NUP205: variants seen among roughly 807,000 people sequenced by gnomAD.
NUP205 encodes nucleoporin 205, also known as nuclear pore complex protein Nup205.
A neutral mutation model predicts 253.8 loss-of-function variants in NUP205; 76 were observed. That is an observed-to-expected ratio of 0.30 (90% CI 0.25 to 0.36). The LOEUF (loss-of-function observed/expected upper bound fraction) is 0.36, where lower values mean the gene tolerates loss of function less well. Among genes scored for constraint, NUP205 ranks in the 10% least tolerant of loss-of-function variants. The pLI, the probability that NUP205 is intolerant of heterozygous loss-of-function variation, is 1.00. For missense variants in NUP205, 2,162 were observed against 2,425.5 expected, an observed-to-expected ratio of 0.89 and a Z score of 2.28; for synonymous variants, 832 against 850.1, an observed-to-expected ratio of 0.98 and a Z score of 0.37.
In NUP205 at chr7:135,626,578, GC is replaced by G. The variant is rs148699396; in HGVS notation, c.4793+220del. ...GAGAGAATTTAGTAAATGTGTACTT[GC>G]CCAATGTTATTATTATGTTCAATTG... On this transcript the variant is annotated intron_variant, in intron 33 of 42. Coordinates refer to ENST00000285968, the MANE Select transcript of NUP205 (RefSeq NM_015135.3). Among the ~76,000 whole-genome samples, 25,693 of 152,016 alleles carry G rather than the reference GC, an allele frequency of 0.17. 2,221 individuals are homozygous for G. The highest frequency in any genetic ancestry group is 0.24 in the Middle Eastern group (70 of 292).
At chr7:135,623,295 A>G (rs1794515855) in intron 31 of NUP205, among the ~76,000 whole-genome samples, 1 of 152,214 alleles carries the variant, frequency 6.6e-6, no homozygotes, top group Non-Finnish European at 1.5e-5. Context: ...AAAATAAAAT[A>G]AAATAAATTG....
At chr7:135,571,746 G>A (rs1806003673) in intron 2 of NUP205, among the ~76,000 whole-genome samples, 1 of 151,818 alleles carries the variant, frequency 6.6e-6, no homozygotes, top group Admixed American at 6.6e-5. Context: ...ATTTTAAAAT[G>A]TATAATTATT....
At chr7:135,629,315 G>A (rs906109280) in intron 34 of NUP205, among the ~76,000 whole-genome samples, 1 of 151,982 alleles carries the variant, frequency 6.6e-6, no homozygotes, top group African/African-American at 2.4e-5. Context: ...TGGGAGGTCA[G>A]GATTTATATC....
At chr7:135,617,555 C>T (rs1347046545) in intron 26 of NUP205, 47 bp from the exon 27 acceptor site, 1 of 1,394,744 alleles carries the variant, frequency 7.2e-7, no homozygotes, top group South Asian at 1.2e-5. Flanking sequence ...TACTGTTCTA[C>T]CAGTGTCTGA....
At chr7:135,637,875 A>G in intron 36 of NUP205, 56 bp from the exon 37 acceptor site, 7 of 1,526,934 alleles carry the variant, frequency 4.6e-6, no homozygotes, top group Non-Finnish European at 5.3e-6. Context: ...CTATCCCTCA[A>G]GAAAGAGAGG....
In NUP205 at chr7:135,643,370, A is replaced by C; in HGVS notation, c.5559+12A>C. ...ATGAGATAAAAGAGGTACGAATCTT[A>C]TAATGAGCTGGGGGGACTTGAGAAA... On this transcript the variant is annotated intron_variant, in intron 39 of 42. Coordinates refer to ENST00000285968, the MANE Select transcript of NUP205 (RefSeq NM_015135.3). 1 of 1,610,756 alleles carries C rather than the reference A, an allele frequency of 6.2e-7. No homozygotes were observed. Among genetic ancestry groups the C allele is most frequent in the Non-Finnish European group, 8.5e-7 (1 of 1,177,726 alleles).
intron 36 of NUP205, 138 bp downstream of exon 36, chr7:135,635,795 T>C (rs1794799160): frequency 2.0e-6 from 1 of 508,488 alleles, no homozygotes; most frequent in Non-Finnish European, 3.6e-6. Flanking sequence ...AATATGCTTA[T>C]ATTGCTGCTT....
At chr7:135,634,746 G>A (rs1015184209) in intron 35 of NUP205, among the ~76,000 whole-genome samples, 1 of 152,126 alleles carries the variant, frequency 6.6e-6, no homozygotes. Context: ...GTGAGGCACG[G>A]ATAGAGGTAT....
chr7:135,634,026 G>T (rs1003606446), intron 35 of NUP205, among the ~76,000 whole-genome samples: 1 of 152,074 alleles, frequency 6.6e-6, no homozygotes, highest in Non-Finnish European at 1.5e-5. Flanking sequence ...GCCCACTACC[G>T]TGTATGTTGT....
At chr7:135,562,151 A>T (rs528438151) in intron 1 of NUP205, among the ~76,000 whole-genome samples, 2 of 151,908 alleles carry the variant, frequency 1.3e-5, no homozygotes, top group Non-Finnish European at 2.9e-5. Context: ...ACAGCTCTCA[A>T]TAGGGTTAAC....
intron 35 of NUP205, among the ~76,000 whole-genome samples, chr7:135,631,931 A>G (rs1794723595): frequency 6.6e-6 from 1 of 151,918 alleles, no homozygotes; most frequent in African/African-American, 2.4e-5. Context: ...TTGTATTTTT[A>G]GTAGAGACGG....
intron 7 of NUP205, among the ~76,000 whole-genome samples, chr7:135,584,008 A>AT (rs1483654387): frequency 2.0e-5 from 3 of 151,636 alleles, no homozygotes; most frequent in African/African-American, 4.8e-5. Flanking sequence ...CACCCGGCTA[A>AT]TTTTTTGTAT....
At chr7:135,595,890 C>T (rs755399641) in intron 13 of NUP205, among the ~76,000 whole-genome samples, 3 of 151,948 alleles carry the variant, frequency 2.0e-5, no homozygotes, top group Non-Finnish European at 4.4e-5. Context: ...AGTAATACAA[C>T]TTAAGGGAGT....
At chr7:135,635,886 T>A (rs1794800676) in intron 36 of NUP205, among the ~76,000 whole-genome samples, 1 of 152,162 alleles carries the variant, frequency 6.6e-6, no homozygotes, top group African/African-American at 2.4e-5. Flanking sequence ...TAGATGTTTT[T>A]ACTCCTTTTC....
Position 135,587,597 on chromosome 7 carries a change from C to T in NUP205, c.1241C>T (p.Ala414Val), listed in dbSNP as rs768065664. ...TAGGTGAAACAGCTGAGGAATCGGGCAGATGAAGATGCTCGAATGATTCAC... is the reference window on the plus strand; with the variant it reads ...TAGGTGAAACAGCTGAGGAATCGGGTAGATGAAGATGCTCGAATGATTCAC... Reference protein sequence around the residue: ...PMKVKQLRNRADEDARMIHMS... With the variant: ...PMKVKQLRNRVDEDARMIHMS... Residue 414 changes from alanine (A) to valine (V), a missense_variant, in exon 9 of 43, where the codon GCA becomes GTA. Ala to Val is a moderately conservative substitution (Grantham distance 64, BLOSUM62 0). Transcript: ENST00000285968. The T allele has an allele frequency of 1.2e-6, 2 of 1,602,420 alleles. No individual in the cohort carries two copies. The highest frequency in any genetic ancestry group is 1.7e-6 in the Non-Finnish European group (2 of 1,174,416).
chr7:135,619,882 G>A lies in NUP205; in HGVS notation c.4324G>A (p.Glu1442Lys). The part of the protein sequence containing the change: ...AQRPDEPDTL[E>K]AAKKTMWERL... ...GAGACCTGATGAACCAGACACCTTA[G>A]AAGCAGGTAGAATGAGATCAATTCC... The change falls in exon 30 of 43, where the codon GAA becomes AAA. Residue 1442 changes from glutamate (E) to lysine (K), a missense_variant. By Grantham distance (56) the Glu-to-Lys change is moderately conservative. Transcript: ENST00000285968. 6.3e-7 allele frequency: 1 copy of A among 1,594,126 alleles called. No individual in the cohort carries two copies. Among genetic ancestry groups the A allele is most frequent in the South Asian group, 1.1e-5 (1 of 89,978 alleles).
intron 22 of NUP205, among the ~76,000 whole-genome samples, chr7:135,611,634 T>G (rs1455240211): frequency 1.3e-5 from 2 of 152,004 alleles, no homozygotes; most frequent in Non-Finnish European, 2.9e-5. Context: ...TAAATTACAT[T>G]CAGGTTGTTT....
chr7:135,564,021 G>A (rs1805670173), intron 1 of NUP205, among the ~76,000 whole-genome samples: 2 of 151,600 alleles, frequency 1.3e-5, no homozygotes, highest in Admixed American at 1.3e-4. Flanking sequence ...TACTGAAATT[G>A]GTCAAACTCA....
At chr7:135,637,164 T>C (rs1178593418) in intron 36 of NUP205, among the ~76,000 whole-genome samples, 3 of 152,236 alleles carry the variant, frequency 2.0e-5, no homozygotes, top group Non-Finnish European at 4.4e-5. Context: ...ACTTTAAATA[T>C]AATACCATGT....
Sources: gnomAD v4.1 joint callset for allele counts (sites outside exome capture counted in the v4.1 genomes callset) on GRCh38, gnomAD v4.1.1 for gene constraint, MANE v1.5 for transcripts, NCBI Gene and HGNC (gene_info 2026-07-23, HGNC 2026-07-21) for gene names.